The following LRRC31 variants were observed in gnomAD, a reference collection of about 807,000 sequenced individuals.
LRRC31 encodes leucine rich repeat containing 31.
LRRC31 carries 35 observed loss-of-function variants against 46.7 expected under a neutral mutation model. The observed-to-expected ratio is 0.75, with a 90% CI of 0.57 to 0.99. The LOEUF (loss-of-function observed/expected upper bound fraction) is 0.99, where lower values mean the gene tolerates loss of function less well. Ranked by LOEUF, LRRC31 falls within the 50% of genes least tolerant of loss-of-function variation. LRRC31 has a pLI of 0.00. For synonymous variants in LRRC31, 236 were observed against 235.1 expected (o/e 1.00, Z -0.03); for missense variants, 613 against 626.1 (o/e 0.98, Z 0.22).
At chr3:169,869,066 C>T (rs1781415242) in intron 1 of LRRC31, among the ~76,000 whole-genome samples, 1 of 150,430 alleles carries the variant, frequency 6.6e-6, no homozygotes, top group Non-Finnish European at 1.5e-5. Flanking sequence ...TAATTTATTG[C>T]ACATTTAAAA....
intron 2 of LRRC31, among the ~76,000 whole-genome samples, 187 bp downstream of exon 2, chr3:169,861,483 C>T (rs1781157167): frequency 6.6e-6 from 1 of 151,060 alleles, no homozygotes; most frequent in African/African-American, 2.4e-5. Context: ...TGCGTCACTG[C>T]ACTCCAGCCT....
At chr3:169,863,884 G>A (rs1233889975) in intron 1 of LRRC31, among the ~76,000 whole-genome samples, 1 of 152,118 alleles carries the variant, frequency 6.6e-6, no homozygotes, top group Non-Finnish European at 1.5e-5. Flanking sequence ...AGCAAGTACA[G>A]GACATTTTGT....
intron 1 of LRRC31, among the ~76,000 whole-genome samples, chr3:169,865,249 CA>C (rs11310742): frequency 0.29 from 38,149 of 133,490 alleles, 7,661 homozygotes; most frequent in African/African-American, 0.59. Flanking sequence ...GGCTCTATCT[CA>C]AAAAAAAAAA....
chr3:169,840,106 A>G lies in LRRC31; in HGVS notation c.1535T>C (p.Leu512Pro). The change falls in exon 9 of 9, where the codon CTT becomes CCT. Residue 512 changes from leucine (L) to proline (P), a missense_variant. Leu to Pro is a moderately conservative substitution (Grantham distance 98). Transcript: ENST00000316428. Reference sequence around the variant, plus strand: ...CATTCCTATCTCAGTGATCTGAGGAAGCTTGGTCACAGCATATAACAAGTG... The same window carrying G: ...CATTCCTATCTCAGTGATCTGAGGAGGCTTGGTCACAGCATATAACAAGTG... ...FRHLLYAVTK[L>P]PQITEIGMKR... The G allele has an allele frequency of 6.2e-7, 1 of 1,613,978 alleles. No individual in the cohort carries two copies. The highest frequency in any genetic ancestry group is 2.2e-5 in the East Asian group (1 of 44,892).
Position 169,863,492 on chromosome 3 carries a change from A to G in LRRC31, c.176-1679T>C, listed in dbSNP as rs75642794. On this transcript the variant is annotated intron_variant, in intron 1 of 8. Coordinates refer to ENST00000316428, the MANE Select transcript of LRRC31 (RefSeq NM_024727.4). ...GACCAAATGATTAGCAGGATAATAA[A>G]AACTACACCTGTAATCCACAGCAGT... 1.5e-3 allele frequency among the ~76,000 whole-genome samples: 235 copies of G among 152,354 alleles called. 1 individual carries two copies. The highest frequency in any genetic ancestry group is 5.4e-3 in the African/African-American group (223 of 41,580).
At chr3:169,868,501 A>C (rs992437439) in intron 1 of LRRC31, among the ~76,000 whole-genome samples, 3 of 152,116 alleles carry the variant, frequency 2.0e-5, no homozygotes, top group Non-Finnish European at 2.9e-5. Flanking sequence ...TTATATCTGC[A>C]TTTGGTCCTT....
chr3:169,860,892 A>C (rs899781657), intron 2 of LRRC31, among the ~76,000 whole-genome samples, 164 bp from the exon 3 acceptor site: 2 of 152,172 alleles, frequency 1.3e-5, no homozygotes, highest in African/African-American at 4.8e-5. Context: ...CAGCTGTACA[A>C]GTGGAGAAAT....
chr3:169,846,817 T>A (rs549357909), intron 8 of LRRC31, among the ~76,000 whole-genome samples: 1 of 152,348 alleles, frequency 6.6e-6, no homozygotes, highest in East Asian at 1.9e-4. Flanking sequence ...CTATTTAATA[T>A]GTAAAACTGT....
rs574709544 is a variant in LRRC31 at position 169,842,617 on chromosome 3, C to T, written c.1328-2304G>A. On this transcript the variant is annotated intron_variant, in intron 8 of 8. Transcript: ENST00000316428. ...CCACCTGCCTTGTCCTCTCAAAGTG[C>T]TGGGATTACAGGCGTGAGCCACCAT... is the stretch of plus-strand genomic sequence containing the variant. Among the ~76,000 whole-genome samples, 19 of 152,274 alleles carry T rather than the reference C, an allele frequency of 1.2e-4. No individual in the cohort carries two copies. In the East Asian group the frequency reaches 3.5e-3, roughly 28 times the overall value.
chr3:169,844,348 AGTTT>A (rs976086601), intron 8 of LRRC31, among the ~76,000 whole-genome samples: 6 of 152,250 alleles, frequency 3.9e-5, no homozygotes, highest in African/African-American at 1.4e-4. Flanking sequence ...AATGAACTAT[AGTTT>A]TTTTAAATGC....
In LRRC31 at chr3:169,856,761, A is replaced by G; in HGVS notation, c.599T>C (p.Ile200Thr). Residue 200 changes from isoleucine (I) to threonine (T), a missense_variant, in exon 4 of 9, where the codon ATA becomes ACA. By Grantham distance (89) the Ile-to-Thr change is moderately conservative (BLOSUM62 -1). Coordinates refer to ENST00000316428, the MANE Select transcript of LRRC31 (RefSeq NM_024727.4). The stretch of plus-strand genomic sequence containing the variant: ...GCAATCCACAAGCTCAATCATTTGT[A>G]TCTTGCTCCCTTTTTGGAACTTCTG... ...ILQKFQKGSKIQMIELVDCSL... is the reference protein window; with the variant it reads ...ILQKFQKGSKTQMIELVDCSL... 6.2e-7 allele frequency: 1 copy of G among 1,609,444 alleles called. No homozygotes were observed. Among genetic ancestry groups the G allele is most frequent in the South Asian group, 1.1e-5 (1 of 90,072 alleles).
chr3:169,860,830 AAG>A, intron 2 of LRRC31, 102 bp from the exon 3 acceptor site: 1 of 1,216,696 alleles, frequency 8.2e-7, no homozygotes, highest in Non-Finnish European at 1.2e-6. Context: ...TTTACACTGT[AAG>A]AGAATAGACA....
chr3:169,869,458 C>G (rs1411559845), intron 1 of LRRC31, among the ~76,000 whole-genome samples, 175 bp downstream of exon 1: 1 of 152,046 alleles, frequency 6.6e-6, no homozygotes. Flanking sequence ...ATGGATACCC[C>G]ATTCTCCACA....
At position 169,852,816 on chromosome 3, in the gene LRRC31, T is replaced by A. The variant is rs1030289823; in HGVS notation, c.992-1030A>T. 3.9e-5 allele frequency among the ~76,000 whole-genome samples: 6 copies of A among 152,188 alleles called. No homozygotes were observed. The East Asian group carries it at 1.2e-3, about 29-fold the overall frequency. On this transcript the variant is annotated intron_variant, in intron 6 of 8. Coordinates refer to ENST00000316428, the MANE Select transcript of LRRC31 (RefSeq NM_024727.4). ...CCCCTTGGTCACTATCACATCACCA[T>A]ATTTTATTTTCACAGCACCCAGCAT...
chr3:169,866,285 A>C (rs1344989753), intron 1 of LRRC31, among the ~76,000 whole-genome samples: 1 of 152,146 alleles, frequency 6.6e-6, no homozygotes, highest in Non-Finnish European at 1.5e-5. Context: ...GAGAGGAAGA[A>C]CCAGGTGGGA....
At chr3:169,867,044 TTTG>T (rs1196776392) in intron 1 of LRRC31, among the ~76,000 whole-genome samples, 3 of 109,450 alleles carry the variant, frequency 2.7e-5, no homozygotes, top group Admixed American at 7.9e-5. Flanking sequence ...ATGGGTTTTT[TTTG>T]TTTGTTTGTT....
chr3:169,861,587 G>C, intron 2 of LRRC31, 83 bp downstream of exon 2: 1 of 1,417,644 alleles, frequency 7.1e-7, no homozygotes, highest in Non-Finnish European at 9.6e-7. Flanking sequence ...GGGGTTACTA[G>C]GTGGGTAGCT....
chr3:169,840,483 C>T (rs2108194279), intron 8 of LRRC31, among the ~76,000 whole-genome samples, 170 bp from the exon 9 acceptor site: 1 of 152,290 alleles, frequency 6.6e-6, no homozygotes, highest in East Asian at 1.9e-4. Flanking sequence ...AACAGATTTC[C>T]TCTCTGTACA....
chr3:169,840,095 T>C lies in LRRC31; in HGVS notation c.1546A>G (p.Thr516Ala). 1 of 1,614,070 alleles carries C rather than the reference T, an allele frequency of 6.2e-7. No homozygotes were observed. Among genetic ancestry groups the C allele is most frequent in the Non-Finnish European group, 8.5e-7 (1 of 1,179,934 alleles). The change falls in exon 9 of 9, where the codon ACT (threonine) becomes GCT (alanine). Residue 516 changes from threonine to alanine, a missense_variant. Thr to Ala is a moderately conservative substitution (Grantham distance 58). Coordinates refer to ENST00000316428, the MANE Select transcript of LRRC31 (RefSeq NM_024727.4). The stretch of plus-strand genomic sequence containing the variant: ...ATCCATCTTTTCATTCCTATCTCAG[T>C]GATCTGAGGAAGCTTGGTCACAGCA... ...LYAVTKLPQI[T>A]EIGMKRWILP...
Sources: gnomAD v4.1 joint callset for allele counts (sites outside exome capture counted in the v4.1 genomes callset) on GRCh38, gnomAD v4.1.1 for gene constraint, MANE v1.5 for transcripts, NCBI Gene and HGNC (gene_info 2026-07-23, HGNC 2026-07-21) for gene names.